The following ESCO2 variants were observed in gnomAD, a reference collection of about 807,000 sequenced individuals.
The protein encoded by ESCO2 is N-acetyltransferase ESCO2.
In ESCO2, 51 loss-of-function variants were observed where a neutral mutation model predicts 61.7. The ratio of observed to expected loss-of-function variants is 0.83; its 90% CI spans 0.66 to 1.04. The LOEUF is 1.04. Among genes scored for constraint, ESCO2 ranks in the 50% least tolerant of loss-of-function variants. The pLI is 0.00. For missense variants in ESCO2, 692 were observed against 686.2 expected, an observed-to-expected ratio of 1.01 and a Z score of -0.09; for synonymous variants, 230 against 238.2, an observed-to-expected ratio of 0.97 and a Z score of 0.32.
intron 1 of ESCO2, 104 bp from the exon 2 acceptor site, chr8:27,775,395 A>G: frequency 9.8e-7 from 1 of 1,018,388 alleles, no homozygotes; most frequent in African/African-American, 1.6e-5. Flanking sequence ...CTCCCAGAAA[A>G]TAGGGTTTTA....
chr8:27,789,339 A>G (rs1025341867), intron 7 of ESCO2, among the ~76,000 whole-genome samples: 1 of 152,170 alleles, frequency 6.6e-6, no homozygotes, highest in Non-Finnish European at 1.5e-5. Context: ...CATTGGCCCT[A>G]TCTTTATGAT....
Position 27,776,348 on chromosome 8 carries a change from G to A in ESCO2, c.54-14G>A, listed in dbSNP as rs1336100487. ...CAAAATAATCTTATCAATGGACTTTGTTTCTTTTTATAGCCTTTTACACTT... is the reference window on the plus strand; with the variant it reads ...CAAAATAATCTTATCAATGGACTTTATTTCTTTTTATAGCCTTTTACACTT... On this transcript the variant is annotated splice_polypyrimidine_tract_variant and intron_variant, in intron 2 of 10. Coordinates refer to ENST00000305188, the MANE Select transcript of ESCO2 (RefSeq NM_001017420.3). 1.3e-6 allele frequency: 2 copies of A among 1,592,366 alleles called. No homozygotes were observed. Among genetic ancestry groups the A allele is most frequent in the Non-Finnish European group, 1.7e-6 (2 of 1,166,816 alleles).
chr8:27,778,278 T>A (rs1804844809), intron 3 of ESCO2: 1 of 152,234 alleles, frequency 6.6e-6, no homozygotes, highest in African/African-American at 2.4e-5. Flanking sequence ...TACTTACTGC[T>A]GCCCTTGTAA....
intron 3 of ESCO2, chr8:27,777,797 T>G (rs1460160793): frequency 1.3e-5 from 2 of 152,222 alleles, no homozygotes; most frequent in Non-Finnish European, 2.9e-5. Flanking sequence ...GGCTTCCATG[T>G]ATGGTGGCTT....
At chr8:27,816,355 A>ATATATATATATATATATATATATT (rs1024094999), downstream of ESCO2, among the ~76,000 whole-genome samples, 1 of 140,942 alleles carries the variant, frequency 7.1e-6, no homozygotes, top group African/African-American at 2.7e-5. Flanking sequence ...ATATATATAT[A>ATATATATATATATATATATATATT]TATTTATTTA....
chr8:27,796,182 C>T (rs1227018587), intron 9 of ESCO2, among the ~76,000 whole-genome samples: 1 of 150,732 alleles, frequency 6.6e-6, no homozygotes, highest in African/African-American at 2.4e-5. Flanking sequence ...TTGTATGCTT[C>T]TAGGAATTTA....
At position 27,799,601 on chromosome 8, in the gene ESCO2, A is replaced by G. The variant is rs1461136028; in HGVS notation, c.1558A>G (p.Arg520Gly). ...ATCCCCAAGCTCTACGGAATGTCCT[A>G]GGGCTTGGCAATGTTCAGATGTACC... ...PESPSSTECP[R>G]AWQCSDVPEP... Residue 520 changes from arginine to glycine, a missense_variant, in exon 10 of 11, where the codon AGG becomes GGG. Physicochemically the swap from Arg to Gly is moderately radical, Grantham distance 125 (BLOSUM62 -2). Coordinates refer to ENST00000305188, the MANE Select transcript of ESCO2 (RefSeq NM_001017420.3). 3.7e-6 allele frequency: 6 copies of G among 1,613,870 alleles called. No individual in the cohort carries two copies. The South Asian group carries it at 5.5e-5, about 15-fold the overall frequency.
Position 27,777,059 on chromosome 8 carries a change from GAAA to G in ESCO2, c.758_760del (p.Lys253del). On this transcript the variant is annotated inframe_deletion, in exon 3 of 11. Transcript: ENST00000305188. The stretch of plus-strand genomic sequence containing the variant: ...AGATTCTGATGTAGAGACTGTCAGT[GAAA>G]AAAAAACTTTTGCGACAAGGCAAGT... 4 of 1,598,896 alleles carry G rather than the reference GAAA, an allele frequency of 2.5e-6. No individual in the cohort carries two copies. The highest frequency in any genetic ancestry group is 1.1e-5 in the South Asian group (1 of 87,914).
At chr8:27,810,922 A>T, downstream of ESCO2, 1 of 1,259,438 alleles carries the variant, frequency 7.9e-7, no homozygotes, top group Non-Finnish European at 1.2e-6. Context: ...TGTGAAATGA[A>T]GAGATTGGGA....
At chr8:27,801,039 T>C (rs190136875) in intron 10 of ESCO2, among the ~76,000 whole-genome samples, 87 of 152,248 alleles carry the variant, frequency 5.7e-4, no homozygotes, top group African/African-American at 1.9e-3. Context: ...TATTTGTTAA[T>C]ATACACAAAA....
downstream of ESCO2, chr8:27,808,133 G>T: frequency 1.5e-6 from 1 of 683,022 alleles, no homozygotes. Context: ...TTTATATATA[G>T]TTTTTATATG....
chr8:27,803,084 A>G (rs1260881215), intron 10 of ESCO2, among the ~76,000 whole-genome samples: 4 of 152,152 alleles, frequency 2.6e-5, no homozygotes, highest in African/African-American at 9.7e-5. Context: ...TCCTAGAGTT[A>G]GGTGGATGGT....
Position 27,789,020 on chromosome 8 carries a change from A to G in ESCO2, c.1263+42A>G, listed in dbSNP as rs146024508. 142 of 1,612,916 alleles carry G rather than the reference A, an allele frequency of 8.8e-5. No individual in the cohort carries two copies. In the East Asian group the frequency reaches 2.6e-3, roughly 30 times the overall value. Reference sequence around the variant, plus strand: ...TCTTTCAGTTTGTTCTAGAAGTAAAACTAAAAGAGACATTTCTTTTCCACC... The same window carrying G: ...TCTTTCAGTTTGTTCTAGAAGTAAAGCTAAAAGAGACATTTCTTTTCCACC... On this transcript the variant is annotated intron_variant, in intron 7 of 10. Transcript: ENST00000305188.
chr8:27,794,609 T>A (rs1173776192), intron 9 of ESCO2, among the ~76,000 whole-genome samples: 3 of 152,178 alleles, frequency 2.0e-5, no homozygotes, highest in Non-Finnish European at 4.4e-5. Context: ...TATTTCTTCT[T>A]TTATTGCCCA....
downstream of ESCO2, among the ~76,000 whole-genome samples, chr8:27,815,592 A>G (rs1805795230): frequency 6.6e-6 from 1 of 152,204 alleles, no homozygotes; most frequent in Non-Finnish European, 1.5e-5. Context: ...GGATACTTAC[A>G]CCGTTCAGTA....
chr8:27,808,704 G>A (rs1313612045), downstream of ESCO2, among the ~76,000 whole-genome samples: 19 of 109,120 alleles, frequency 1.7e-4, no homozygotes, highest in South Asian at 1.3e-3. Flanking sequence ...AAAAAAAAAA[G>A]CCCTCAGCCA....
chr8:27,789,791 A>G (rs1478374037), intron 7 of ESCO2, among the ~76,000 whole-genome samples: 2 of 152,036 alleles, frequency 1.3e-5, no homozygotes, highest in African/African-American at 4.8e-5. Context: ...CAAAAAAAAA[A>G]AAAAAAAGCC....
At chr8:27,775,402 T>C (rs1414564044) in intron 1 of ESCO2, 97 bp from the exon 2 acceptor site, 2 of 1,097,292 alleles carry the variant, frequency 1.8e-6, no homozygotes, top group Non-Finnish European at 2.8e-6. Context: ...AAAATAGGGT[T>C]TTAACTTGGT....
At chr8:27,792,565 G>A in intron 8 of ESCO2, 103 bp from the exon 9 acceptor site, 1 of 1,200,414 alleles carries the variant, frequency 8.3e-7, no homozygotes, top group Non-Finnish European at 1.2e-6. Context: ...AGAAATTAAA[G>A]AGGCTAAAGT....
Sources: allele counts gnomAD v4.1 joint callset (sites outside exome capture counted in the v4.1 genomes callset), GRCh38; gene constraint gnomAD v4.1.1; transcripts MANE v1.5; gene names NCBI Gene and HGNC (gene_info 2026-07-23, HGNC 2026-07-21).